DDX23: variants seen among roughly 807,000 people sequenced by gnomAD.
DDX23 encodes the protein probable ATP-dependent RNA helicase DDX23.
In DDX23, 33 loss-of-function variants were observed where a neutral mutation model predicts 102.7. The ratio of observed to expected loss-of-function variants is 0.32; its 90% CI spans 0.24 to 0.43. The LOEUF is 0.43. Among genes scored for constraint, DDX23 ranks in the 20% least tolerant of loss-of-function variants. The pLI is 1.00. For synonymous variants in DDX23, 352 were observed against 376.0 expected (o/e 0.94, Z 0.74); for missense variants, 549 against 1,086.6 (o/e 0.51, Z 6.96).
intron 4 of DDX23, 25 bp from the exon 5 acceptor site, chr12:48,839,934 C>T: frequency 3.7e-6 from 6 of 1,614,018 alleles, no homozygotes; most frequent in Non-Finnish European, 5.1e-6. Context: ...GAACTTTAGT[C>T]TATAAAGGCT....
In DDX23 at chr12:48,841,705, C is replaced by T. The variant is rs1201885967; in HGVS notation, c.321-1599G>A. 9.2e-5 allele frequency among the ~76,000 whole-genome samples: 14 copies of T among 152,366 alleles called. No individual in the cohort carries two copies. In the East Asian group the frequency reaches 9.7e-4, roughly 11 times the overall value. On this transcript the variant is annotated intron_variant, in intron 3 of 16. Transcript: ENST00000308025. ...CTCCAGCTCCTGACCGCGAGTGATCCGCCAGCCTCGGCCTCCCGAGGTGCC... is the reference window on the plus strand; with the variant it reads ...CTCCAGCTCCTGACCGCGAGTGATCTGCCAGCCTCGGCCTCCCGAGGTGCC...
intron 1 of DDX23, among the ~76,000 whole-genome samples, chr12:48,851,359 G>A (rs552566050): frequency 6.6e-6 from 1 of 152,264 alleles, no homozygotes; most frequent in South Asian, 2.1e-4. Context: ...TGTAATCACA[G>A]CTACTCGGGA....
At chr12:48,840,300 C>T in intron 3 of DDX23, 194 bp from the exon 4 acceptor site, 1 of 644,468 alleles carries the variant, frequency 1.6e-6, no homozygotes, top group South Asian at 1.6e-5. Context: ...ATGGCCCTGT[C>T]TTGGCCCCTT....
chr12:48,837,509 A>G lies in DDX23; in HGVS notation c.753+15T>C. 6.2e-7 allele frequency: 1 copy of G among 1,614,042 alleles called. No individual in the cohort carries two copies. The highest frequency in any genetic ancestry group is 8.5e-7 in the Non-Finnish European group (1 of 1,179,932). Reference sequence around the variant, plus strand: ...TTGTGTGGGAGAGAAGTGAAGATGGAGCCAAGGCCTGCACCTTAATGGCAT... The same window carrying G: ...TTGTGTGGGAGAGAAGTGAAGATGGGGCCAAGGCCTGCACCTTAATGGCAT... On this transcript the variant is annotated intron_variant, in intron 7 of 16. Transcript: ENST00000308025.
Position 48,837,346 on chromosome 12 carries a change from G to A in DDX23, c.801C>T (p.Leu267=). 2 of 1,614,190 alleles carry A rather than the reference G, an allele frequency of 1.2e-6. No homozygotes were observed. Among genetic ancestry groups the A allele is most frequent in the Non-Finnish European group, 8.5e-7 (1 of 1,180,038 alleles). Residue 267 remains leucine (L), a synonymous_variant, in exon 8 of 17, where the codon CTC becomes CTT. Transcript: ENST00000308025. ...GIKKRRRTRH[L]NDRKFVFEWD... ...ACTCAAAAACAAATTTCCGGTCATT[G>A]AGATGTCTCGTTCGGCGCCGCTTTT...
intron 1 of DDX23, among the ~76,000 whole-genome samples, chr12:48,848,235 G>A (rs985902614): frequency 3.3e-5 from 5 of 151,604 alleles, no homozygotes; most frequent in East Asian, 1.9e-4. Flanking sequence ...GCAGTGAGCC[G>A]AGATCATGCC....
chr12:48,836,115 C>T lies in DDX23; in HGVS notation c.1382+6G>A, dbSNP rs1208066652. ...ACCCACTCCAGCTGGTGCTAGCTGA[C>T]CTCACCTGTCAATTTTGGGAAGTGT... On this transcript the variant is annotated splice_donor_region_variant and intron_variant, in intron 11 of 16. Transcript: ENST00000308025. This position sits in a 1 kb window ranked among gnomAD's most constrained non-coding sequence, Gnocchi z 6.1. The T allele has an allele frequency of 6.2e-7, 1 of 1,612,498 alleles. No homozygotes were observed. The highest frequency in any genetic ancestry group is 1.3e-5 in the African/African-American group (1 of 74,878).
In DDX23 at chr12:48,832,263, A is replaced by G. The variant is rs909291196; in HGVS notation, c.1956-77T>C. 1 of 1,570,248 alleles carries G rather than the reference A, an allele frequency of 6.4e-7. No homozygotes were observed. Among genetic ancestry groups the G allele is most frequent in the African/African-American group, 1.4e-5 (1 of 73,878 alleles). On this transcript the variant is annotated intron_variant, in intron 14 of 16. Coordinates refer to ENST00000308025, the MANE Select transcript of DDX23 (RefSeq NM_004818.3). The surrounding 1 kb of genome is among the most constrained non-coding windows in gnomAD (Gnocchi z 4.4). Reference sequence around the variant, plus strand: ...AAATGCCCAACCCTCATCTATGAACACTACTTTCAGGGTCTTTAATGCCCA... The same window carrying G: ...AAATGCCCAACCCTCATCTATGAACGCTACTTTCAGGGTCTTTAATGCCCA...
chr12:48,831,122 C>G lies in DDX23; in HGVS notation c.2239+20G>C, dbSNP rs779826039. The G allele has an allele frequency of 2.5e-6, 4 of 1,613,414 alleles. No homozygotes were observed. The highest frequency in any genetic ancestry group is 1.3e-5 in the African/African-American group (1 of 74,930). On this transcript the variant is annotated intron_variant, in intron 16 of 16. Coordinates refer to ENST00000308025, the MANE Select transcript of DDX23 (RefSeq NM_004818.3). ...AATCTGACTTCACCCTGGATTGAAG[C>G]TGCTTTCCCTGGAACTTACCTTCAA...
Position 48,836,623 on chromosome 12 carries a change from T to C in DDX23, c.1182A>G (p.Lys394=), listed in dbSNP as rs1938470327. ...GKIPNPIRSW[K]DSSLPPHILE... Reference sequence around the variant, plus strand: ...AGATGTGTGGGGGCAGAGAAGAGTCTTTCCAGGATCGGATGGGATTGGGGA... The same window carrying C: ...AGATGTGTGGGGGCAGAGAAGAGTCCTTCCAGGATCGGATGGGATTGGGGA... The change falls in exon 10 of 17, where the codon AAA becomes AAG. Residue 394 remains lysine (K), a synonymous_variant. Coordinates refer to ENST00000308025, the MANE Select transcript of DDX23 (RefSeq NM_004818.3). This position sits in a 1 kb window ranked among gnomAD's most constrained non-coding sequence, Gnocchi z 6.1. 6.2e-7 allele frequency: 1 copy of C among 1,614,140 alleles called. No homozygotes were observed. The highest frequency in any genetic ancestry group is 8.5e-7 in the Non-Finnish European group (1 of 1,180,042).
intron 3 of DDX23, among the ~76,000 whole-genome samples, chr12:48,840,808 C>G (rs1938538184): frequency 6.6e-6 from 1 of 151,624 alleles, no homozygotes; most frequent in East Asian, 2.0e-4. Flanking sequence ...CCACCTCGGC[C>G]ACCCAAAGTG....
intron 1 of DDX23, among the ~76,000 whole-genome samples, chr12:48,849,819 T>C (rs1480461358): frequency 1.3e-5 from 2 of 152,196 alleles, no homozygotes; most frequent in African/African-American, 4.8e-5. Context: ...ACACGGCTTG[T>C]GCCCCCAGGA....
intron 15 of DDX23, chr12:48,831,687 C>G (rs1323701057): frequency 1.6e-5 from 7 of 427,004 alleles, no homozygotes; most frequent in Non-Finnish European, 3.0e-5. Context: ...CCCCTCCCCT[C>G]AAGCACCAGT....
chr12:48,830,831 G>C lies in DDX23; in HGVS notation c.2240-139C>G, dbSNP rs893433188. On this transcript the variant is annotated intron_variant, in intron 16 of 16. Coordinates refer to ENST00000308025, the MANE Select transcript of DDX23 (RefSeq NM_004818.3). This position sits in a 1 kb window ranked among gnomAD's most constrained non-coding sequence, Gnocchi z 4.9. ...AGCACATGCTGCCTGAACCTGAGGC[G>C]CCCACAGTGCCCTCTCCAGGTGCCC... 2.3e-6 allele frequency: 2 copies of C among 875,884 alleles called. No homozygotes were observed. Among genetic ancestry groups the C allele is most frequent in the African/African-American group, 3.4e-5 (2 of 58,768 alleles). 54.3% of individuals were successfully genotyped at this position (875,884 alleles called of 1,614,324 possible). A position where few individuals can be genotyped will look rare whatever the true frequency, so the allele number is the denominator to read the frequency against.
chr12:48,844,788 G>A (rs1004755334), intron 2 of DDX23, among the ~76,000 whole-genome samples: 4 of 151,304 alleles, frequency 2.6e-5, no homozygotes, highest in African/African-American at 9.7e-5. Flanking sequence ...CAACTTTTAA[G>A]AGTTGGGTCA....
chr12:48,833,769 CT>C lies in DDX23; in HGVS notation c.1561-251del, dbSNP rs972275771. ...ACAGAGGAGGCAAAATCAGTAGAAA[CT>C]TTTTTTTTTTTGGCAAATCATTTCA... On this transcript the variant is annotated intron_variant, in intron 12 of 16. Coordinates refer to ENST00000308025, the MANE Select transcript of DDX23 (RefSeq NM_004818.3). Among the ~76,000 whole-genome samples the C allele has an allele frequency of 4.7e-3, 680 of 145,404 alleles. 3 individuals carry two copies. The highest frequency in any genetic ancestry group is 0.013 in the African/African-American group (539 of 39,936).
chr12:48,830,306 C>T lies in DDX23; in HGVS notation c.*163G>A, dbSNP rs1425601463. The T allele has an allele frequency of 1.2e-6, 1 of 860,866 alleles. No individual in the cohort carries two copies. 53.3% of individuals were successfully genotyped at this position (860,866 alleles called of 1,614,324 possible). On this transcript the variant is annotated 3_prime_UTR_variant, in exon 17 of 17. Coordinates refer to ENST00000308025, the MANE Select transcript of DDX23 (RefSeq NM_004818.3). The surrounding 1 kb of genome is among the most constrained non-coding windows in gnomAD (Gnocchi z 4.9). ...GTCGTCCTCTCCTTTTGCAGCCCCA[C>T]ACGCAGGCCTCCTGACCTGAGGGTC...
At chr12:48,837,780 T>C (rs1938485629) in intron 6 of DDX23, 123 bp from the exon 7 acceptor site, 3 of 1,532,160 alleles carry the variant, frequency 2.0e-6, no homozygotes, top group Non-Finnish European at 2.6e-6. Context: ...TGATATGGGG[T>C]AAATGGAGAT....
intron 1 of DDX23, among the ~76,000 whole-genome samples, chr12:48,850,860 A>C (rs797016065): frequency 1.6e-4 from 24 of 152,330 alleles, no homozygotes; most frequent in African/African-American, 5.5e-4. Context: ...TTTCAGTTGC[A>C]TTGCGGGAAT....
Sources: gnomAD v4.1 joint callset for allele counts (sites outside exome capture counted in the v4.1 genomes callset) on GRCh38, gnomAD v4.1.1 for gene constraint, Gnocchi (gnomAD v3.1) non-coding constraint, MANE v1.5 for transcripts, NCBI Gene and HGNC (gene_info 2026-07-23, HGNC 2026-07-21) for gene names.